The following FAM171A1 variants were observed in gnomAD, a reference collection of about 807,000 sequenced individuals.
The protein encoded by FAM171A1 is protein FAM171A1.
A neutral mutation model predicts 74.9 loss-of-function variants in FAM171A1; 23 were observed. That is an observed-to-expected ratio of 0.31 (90% confidence interval 0.22 to 0.44). The LOEUF is 0.44. Ranked by LOEUF, FAM171A1 falls within the 20% of genes least tolerant of loss-of-function variation. The pLI, the probability that FAM171A1 is intolerant of heterozygous loss-of-function variation, is 1.00. For synonymous variants in FAM171A1, 527 were observed against 505.7 expected (o/e 1.04, Z -0.57); for missense variants, 1,162 against 1,159.2 (o/e 1.00, Z -0.03).
At chr10:15,234,155 A>G (rs1022883719) in intron 5 of FAM171A1, among the ~76,000 whole-genome samples, 1 of 152,226 alleles carries the variant, frequency 6.6e-6, no homozygotes, top group African/African-American at 2.4e-5. Context: ...CGAAAGGAAA[A>G]AAAAAACATA....
In FAM171A1 at chr10:15,232,355, C is replaced by T. The variant is rs955233464; in HGVS notation, c.755-11295G>A. Among the ~76,000 whole-genome samples the T allele has an allele frequency of 9.2e-5, 14 of 152,266 alleles. 1 individual carries two copies. The highest frequency in any genetic ancestry group is 2.1e-4 in the South Asian group (1 of 4,820). The stretch of plus-strand genomic sequence containing the variant: ...CCATCACTCTGCTTAATTGTTTCTC[C>T]GCCATCTGAAATAAACTAGCTCATT... On this transcript the variant is annotated intron_variant, in intron 5 of 7. Transcript: ENST00000378116.
chr10:15,226,326 G>A (rs1162099268), intron 5 of FAM171A1, among the ~76,000 whole-genome samples: 1 of 152,180 alleles, frequency 6.6e-6, no homozygotes, highest in Admixed American at 6.5e-5. Context: ...AAGGTTACGG[G>A]GTGATCTCTC....
At chr10:15,242,153 G>C (rs1834371766) in intron 5 of FAM171A1, among the ~76,000 whole-genome samples, 1 of 152,048 alleles carries the variant, frequency 6.6e-6, no homozygotes, top group South Asian at 2.1e-4. Flanking sequence ...TGTTTTATGT[G>C]CTTAAGATGT....
intron 1 of FAM171A1, among the ~76,000 whole-genome samples, chr10:15,312,935 T>C (rs1229683744): frequency 1.3e-5 from 2 of 151,958 alleles, no homozygotes; most frequent in East Asian, 3.9e-4. Flanking sequence ...CCTCAGGTGA[T>C]CCACCCTCCT....
At chr10:15,367,692 CATT>C in intron 1 of FAM171A1, among the ~76,000 whole-genome samples, 1 of 152,200 alleles carries the variant, frequency 6.6e-6, no homozygotes, top group South Asian at 2.1e-4. Context: ...CAAAGCCAAT[CATT>C]GTCTTCAAAT....
intron 1 of FAM171A1, among the ~76,000 whole-genome samples, chr10:15,348,749 A>G (rs541274547): frequency 4.2e-4 from 64 of 152,296 alleles, no homozygotes; most frequent in Middle Eastern, 3.4e-3. Context: ...GCTGATTCCC[A>G]TCCATGCTTC....
intron 1 of FAM171A1, among the ~76,000 whole-genome samples, chr10:15,335,534 A>G (rs1341107825): frequency 6.6e-6 from 1 of 152,232 alleles, no homozygotes; most frequent in Non-Finnish European, 1.5e-5. Context: ...AAAACAAAAC[A>G]TGGGCCAAGG....
chr10:15,370,987 C>T lies in FAM171A1; in HGVS notation c.66G>A (p.Lys22=). 1.7e-6 allele frequency: 2 copies of T among 1,192,240 alleles called. No homozygotes were observed. The highest frequency in any genetic ancestry group is 2.1e-6 in the Non-Finnish European group (2 of 939,092). The allele number at this position is 1,192,240 out of a possible 1,614,324, so 73.9% of individuals were successfully genotyped here. A position where few individuals can be genotyped will look rare whatever the true frequency, so the allele number is the denominator to read the frequency against. Residue 22 remains lysine, a synonymous_variant, in exon 1 of 8, where the codon AAG becomes AAA. Transcript: ENST00000378116. ...CTCCGGCGCCGGGCTCCCGCAGCGT[C>T]TTGGTCACCGCCTTCCAGACGTGGC... is the stretch of plus-strand genomic sequence containing the variant. ...LGCHVWKAVT[K]TLREPGAGAQ...
In FAM171A1 at chr10:15,359,085, T is replaced by C. The variant is rs531897175; in HGVS notation, c.97+11871A>G. Among the ~76,000 whole-genome samples, 3 of 152,368 alleles carry C rather than the reference T, an allele frequency of 2.0e-5. No homozygotes were observed. The East Asian group carries it at 5.8e-4, about 29-fold the overall frequency. On this transcript the variant is annotated intron_variant, in intron 1 of 7. Coordinates refer to ENST00000378116, the MANE Select transcript of FAM171A1 (RefSeq NM_001010924.2). ...TGATCTGTCAAGCTCCTTTGCATAC[T>C]GTCTGGCATGTAAGAAGCACCGAGC...
At chr10:15,296,292 T>C (rs1396576179) in intron 1 of FAM171A1, among the ~76,000 whole-genome samples, 1 of 152,048 alleles carries the variant, frequency 6.6e-6, no homozygotes, top group African/African-American at 2.4e-5. Context: ...AAGGAAATTA[T>C]ATTTATATAT....
At position 15,370,975 on chromosome 10, in the gene FAM171A1, C is replaced by T. The variant is rs2131899316; in HGVS notation, c.78G>A (p.Glu26=). 8.5e-7 allele frequency: 1 copy of T among 1,183,376 alleles called. No individual in the cohort carries two copies. The allele number at this position is 1,183,376 out of a possible 1,614,324, so 73.3% of individuals were successfully genotyped here. A position where few individuals can be genotyped will look rare whatever the true frequency, so the allele number is the denominator to read the frequency against. Residue 26 remains glutamate, a synonymous_variant, in exon 1 of 8, where the codon GAG becomes GAA. Transcript: ENST00000378116. ...ACTGACCTTGGGCTCCGGCGCCGGG[C>T]TCCCGCAGCGTCTTGGTCACCGCCT... The part of the protein sequence containing the change: ...VWKAVTKTLR[E]PGAGAQEVTL...
At chr10:15,227,174 T>C (rs1437513394) in intron 5 of FAM171A1, among the ~76,000 whole-genome samples, 1 of 152,170 alleles carries the variant, frequency 6.6e-6, no homozygotes, top group Non-Finnish European at 1.5e-5. Flanking sequence ...TAATTTTTTG[T>C]ATTTTTAATG....
chr10:15,356,912 A>T (rs1165020133), intron 1 of FAM171A1, among the ~76,000 whole-genome samples: 1 of 152,036 alleles, frequency 6.6e-6, no homozygotes, highest in Non-Finnish European at 1.5e-5. Context: ...CAGAGATTGC[A>T]GTGAGCAGAG....
At chr10:15,277,830 C>T (rs1352670351) in intron 2 of FAM171A1, among the ~76,000 whole-genome samples, 1 of 152,042 alleles carries the variant, frequency 6.6e-6, no homozygotes, top group Non-Finnish European at 1.5e-5. Context: ...AATCTTGGCT[C>T]ACTCCAGCCT....
intron 3 of FAM171A1, among the ~76,000 whole-genome samples, chr10:15,271,723 C>T (rs1319033766): frequency 6.6e-6 from 1 of 152,128 alleles, no homozygotes; most frequent in Non-Finnish European, 1.5e-5. Context: ...GAGTGGGGGC[C>T]AATATTCAAC....
intron 1 of FAM171A1, among the ~76,000 whole-genome samples, chr10:15,309,803 G>A (rs1463736883): frequency 6.6e-6 from 1 of 152,128 alleles, no homozygotes; most frequent in Admixed American, 6.6e-5. Flanking sequence ...AAAAACAAAT[G>A]AATTAAAATT....
chr10:15,246,293 C>A (rs1349336176), intron 5 of FAM171A1, among the ~76,000 whole-genome samples: 2 of 152,132 alleles, frequency 1.3e-5, no homozygotes, highest in African/African-American at 4.8e-5. Flanking sequence ...ATGCATTCCA[C>A]ACAAATAATT....
intron 5 of FAM171A1, among the ~76,000 whole-genome samples, chr10:15,242,722 T>C (rs975874417): frequency 6.6e-6 from 1 of 151,868 alleles, no homozygotes; most frequent in Non-Finnish European, 1.5e-5. Flanking sequence ...GCTTGGGAGG[T>C]CGAGGCTGCA....
intron 5 of FAM171A1, among the ~76,000 whole-genome samples, chr10:15,245,516 C>G (rs754921998): frequency 5.3e-5 from 8 of 152,242 alleles, no homozygotes; most frequent in Non-Finnish European, 8.8e-5. Flanking sequence ...ACATATATCT[C>G]CTATTGGCTC....
Sources: gnomAD v4.1 joint callset for allele counts (sites outside exome capture counted in the v4.1 genomes callset) on GRCh38, gnomAD v4.1.1 for gene constraint, MANE v1.5 for transcripts, NCBI Gene and HGNC (gene_info 2026-07-23, HGNC 2026-07-21) for gene names.